Variants in RIOX2 observed in about 807,000 individuals in gnomAD.
RIOX2 encodes the protein 60S ribosomal protein L27a histidine hydroxylase.
A neutral mutation model predicts 51.2 loss-of-function variants in RIOX2; 43 were observed. The observed-to-expected ratio is 0.84, with a 90% confidence interval of 0.66 to 1.08. RIOX2 has a LOEUF of 1.08. Among genes scored for constraint, RIOX2 ranks in the 50% least tolerant of loss-of-function variants. The pLI is 0.00. For synonymous variants in RIOX2, 226 were observed against 218.5 expected, an observed-to-expected ratio of 1.03 and a Z score of -0.30; for missense variants, 566 against 561.7, an observed-to-expected ratio of 1.01 and a Z score of -0.08.
At position 97,954,451 on chromosome 3, in the gene RIOX2, C is replaced by T. The variant is rs183011211; in HGVS notation, c.726G>A (p.Ala242=). Residue 242 remains alanine (A), a synonymous_variant, in exon 5 of 10, where the codon GCG becomes GCA. Coordinates refer to ENST00000394198, the MANE Select transcript of RIOX2 (RefSeq NM_153182.4). ...LYFPRGTIHQ[A]DTPAGLAHST... ...AGTGGGCCAGCCCCGCAGGAGTGTC[C>T]GCTTGATGAATGGTTCCTCTGGGAA... is the stretch of plus-strand genomic sequence containing the variant. 19 of 1,614,058 alleles carry T rather than the reference C, an allele frequency of 1.2e-5. No individual in the cohort carries two copies. In the East Asian group the frequency reaches 1.8e-4, roughly 15 times the overall value.
In RIOX2 at chr3:97,970,987, T is replaced by C. The variant is rs184787073; in HGVS notation, c.-40+1394A>G. Among the ~76,000 whole-genome samples, 13 of 152,334 alleles carry C rather than the reference T, an allele frequency of 8.5e-5. 1 individual carries two copies. In the East Asian group the frequency reaches 2.5e-3, roughly 29 times the overall value. ...TAGGAGGTCCTCAAGAAATGTCTGC[T>C]GAATTTTTCACATTTTCATCTTTTG... On this transcript the variant is annotated intron_variant, in intron 1 of 9. Coordinates refer to ENST00000394198, the MANE Select transcript of RIOX2 (RefSeq NM_153182.4).
intron 2 of RIOX2, among the ~76,000 whole-genome samples, chr3:97,964,696 T>TA (rs1159985029): frequency 0.022 from 1,336 of 60,094 alleles, 38 homozygotes; most frequent in African/African-American, 0.053. Context: ...GACTCTGTCT[T>TA]AAAAAAAAAA....
rs1169985590 is a variant in RIOX2, at chr3:97,943,711, A to G, written c.*1473T>C. The G allele has an allele frequency of 1.8e-5, 3 of 166,564 alleles. No homozygotes were observed. The highest frequency in any genetic ancestry group is 3.4e-4 in the South Asian group (2 of 5,800). The allele number at this position is 166,564 out of a possible 1,614,324, so 10.3% of individuals were successfully genotyped here. On this transcript the variant is annotated 3_prime_UTR_variant, in exon 10 of 10. Coordinates refer to ENST00000394198, the MANE Select transcript of RIOX2 (RefSeq NM_153182.4). ...ATCCTACCTAGATGCTTGTATGAGTACAAAGCATAAAGAAACAGATTTCTA... is the reference window on the plus strand; with the variant it reads ...ATCCTACCTAGATGCTTGTATGAGTGCAAAGCATAAAGAAACAGATTTCTA...
At chr3:97,971,696 G>A (rs1479985002) in intron 1 of RIOX2, 2 of 152,268 alleles carry the variant, frequency 1.3e-5, no homozygotes, top group East Asian at 3.9e-4. Context: ...GCTCAAAGAT[G>A]AGCCCAGTGA....
rs1035296864 is a variant in RIOX2 at position 97,941,969 on chromosome 3, G to T, written c.*3215C>A. The T allele has an allele frequency of 1.1e-5, 2 of 184,414 alleles. No homozygotes were observed. Among genetic ancestry groups the T allele is most frequent in the Admixed American group, 1.2e-4 (2 of 16,302 alleles). 11.4% of individuals were successfully genotyped at this position (184,414 alleles called of 1,614,324 possible). On this transcript the variant is annotated 3_prime_UTR_variant, in exon 10 of 10. Transcript: ENST00000394198. ...AAGAAAACCAAGCTCAACATAATAC[G>T]TTTTAAGCAAACAGGGATTTAACAT... is the stretch of plus-strand genomic sequence containing the variant.
chr3:97,953,411 C>T (rs548644788), intron 5 of RIOX2, among the ~76,000 whole-genome samples: 52 of 151,684 alleles, frequency 3.4e-4, no homozygotes, highest in Non-Finnish European at 5.9e-5. Flanking sequence ...GACAGGGTCT[C>T]GCTCTGTCGC....
At chr3:97,968,715 C>A (rs1031568065) in intron 1 of RIOX2, among the ~76,000 whole-genome samples, 2 of 152,168 alleles carry the variant, frequency 1.3e-5, no homozygotes, top group South Asian at 2.1e-4. Flanking sequence ...CTGCAAAATT[C>A]TATCTTAAAG....
At chr3:97,946,772 A>G (rs1472578817) in intron 8 of RIOX2, among the ~76,000 whole-genome samples, 1 of 151,678 alleles carries the variant, frequency 6.6e-6, no homozygotes, top group African/African-American at 2.4e-5. Context: ...ATGGTATGAG[A>G]TCGTTCCAAG....
chr3:97,955,797 T>A (rs1260112347), intron 4 of RIOX2, among the ~76,000 whole-genome samples: 1 of 152,118 alleles, frequency 6.6e-6, no homozygotes, highest in Non-Finnish European at 1.5e-5. Flanking sequence ...CAAATCTAGG[T>A]AGTATAGTGT....
At chr3:97,954,540 C>T in intron 4 of RIOX2, 45 bp from the exon 5 acceptor site, 1 of 1,469,234 alleles carries the variant, frequency 6.8e-7, no homozygotes, top group Non-Finnish European at 9.5e-7. Context: ...ATAAGTATTC[C>T]TTCTCAGTCC....
chr3:97,945,918 TCAA>T, intron 8 of RIOX2, 31 bp from the exon 9 acceptor site: 1 of 1,481,972 alleles, frequency 6.7e-7, no homozygotes, highest in Non-Finnish European at 9.4e-7. Flanking sequence ...CATTAGGCCA[TCAA>T]CAACACAACA....
chr3:97,949,263 A>C (rs1449389527), intron 7 of RIOX2, among the ~76,000 whole-genome samples: 1 of 152,046 alleles, frequency 6.6e-6, no homozygotes, highest in Non-Finnish European at 1.5e-5. Flanking sequence ...CTGGTGTTAA[A>C]AAGAGCCTGG....
At chr3:97,954,780 G>A (rs1047308817) in intron 4 of RIOX2, among the ~76,000 whole-genome samples, 6 of 152,210 alleles carry the variant, frequency 3.9e-5, no homozygotes, top group Non-Finnish European at 7.4e-5. Context: ...AGACTACCCT[G>A]CCCTGATGCA....
At chr3:97,961,446 AAT>A in intron 3 of RIOX2, 141 bp downstream of exon 3, 1 of 857,914 alleles carries the variant, frequency 1.2e-6, no homozygotes, top group Non-Finnish European at 1.6e-6. Context: ...TGATGAAATC[AAT>A]ATCTCAGAAA....
chr3:97,952,364 A>G, intron 5 of RIOX2: 1 of 568,416 alleles, frequency 1.8e-6, no homozygotes, highest in Non-Finnish European at 2.9e-6. Context: ...GCCCCAGCTG[A>G]AAAGAGAAGA....
chr3:97,945,162 G>C lies in RIOX2; in HGVS notation c.*22C>G. On this transcript the variant is annotated 3_prime_UTR_variant, in exon 10 of 10. Transcript: ENST00000394198. ...TTTAATATATGCATATAAAATAGTAGGCATTTGATTCTGCAAAGGCACTAG... is the reference window on the plus strand; with the variant it reads ...TTTAATATATGCATATAAAATAGTACGCATTTGATTCTGCAAAGGCACTAG... 1 of 1,581,228 alleles carries C rather than the reference G, an allele frequency of 6.3e-7. No homozygotes were observed. Among genetic ancestry groups the C allele is most frequent in the Non-Finnish European group, 8.6e-7 (1 of 1,166,228 alleles).
chr3:97,949,479 T>TA (rs1705155280), intron 7 of RIOX2, among the ~76,000 whole-genome samples: 1 of 152,088 alleles, frequency 6.6e-6, no homozygotes, highest in Non-Finnish European at 1.5e-5. Context: ...GCAACACAAA[T>TA]AAAGACAACC....
intron 1 of RIOX2, chr3:97,972,130 G>C (rs1706159439): frequency 6.6e-6 from 1 of 152,138 alleles, no homozygotes; most frequent in Non-Finnish European, 1.5e-5. Flanking sequence ...CTGTAACCAA[G>C]GCTTCCGCGA....
intron 7 of RIOX2, among the ~76,000 whole-genome samples, chr3:97,948,272 T>C (rs2040407906): frequency 6.6e-6 from 1 of 152,330 alleles, no homozygotes; most frequent in East Asian, 1.9e-4. Context: ...AGGGACCTTA[T>C]AGATTATCTA....
Sources: gnomAD v4.1 joint callset for allele counts (sites outside exome capture counted in the v4.1 genomes callset) on GRCh38, gnomAD v4.1.1 for gene constraint, MANE v1.5 for transcripts, NCBI Gene and HGNC (gene_info 2026-07-23, HGNC 2026-07-21) for gene names.